ENTREP2: variants seen among roughly 807,000 people sequenced by gnomAD.
The protein encoded by ENTREP2 is endosomal transmembrane epsin interactor 2, also known as protein ENTREP2.
the ENTREP2 span, among the ~76,000 whole-genome samples, chr15:29,411,467 G>A: frequency 1.3e-5 from 2 of 152,166 alleles, no homozygotes; most frequent in Non-Finnish European, 2.9e-5. Context: ...CACGTTTATT[G>A]ACCCTACATA....
the ENTREP2 span, among the ~76,000 whole-genome samples, chr15:29,270,237 C>A: frequency 6.6e-6 from 1 of 152,194 alleles, no homozygotes; most frequent in Admixed American, 6.5e-5. Flanking sequence ...TAGTTTTCGT[C>A]CCTCCACCCA....
the ENTREP2 span, among the ~76,000 whole-genome samples, chr15:29,539,709 T>C: frequency 6.6e-6 from 1 of 151,996 alleles, no homozygotes; most frequent in Non-Finnish European, 1.5e-5. Context: ...AGGTGGAAAA[T>C]GGCATTTACC....
chr15:29,428,556 C>A, the ENTREP2 span, among the ~76,000 whole-genome samples: 1 of 151,536 alleles, frequency 6.6e-6, no homozygotes. Flanking sequence ...CTGTCTTAAG[C>A]TCTTTTCCCA....
chr15:29,639,602 A>G, the ENTREP2 span, among the ~76,000 whole-genome samples: 1 of 152,140 alleles, frequency 6.6e-6, no homozygotes, highest in Non-Finnish European at 1.5e-5. Flanking sequence ...AAAGATCTCA[A>G]ATCAACAACT....
chr15:29,362,189 C>T, the ENTREP2 span, among the ~76,000 whole-genome samples: 5 of 152,020 alleles, frequency 3.3e-5, no homozygotes, highest in Non-Finnish European at 7.4e-5. Flanking sequence ...TAACATTACC[C>T]AGACAGGGCT....
chr15:29,216,819 T>C, the ENTREP2 span, among the ~76,000 whole-genome samples: 5 of 151,990 alleles, frequency 3.3e-5, no homozygotes, highest in African/African-American at 1.2e-4. Context: ...AAATCATCCA[T>C]AATAAAAATG....
the ENTREP2 span, among the ~76,000 whole-genome samples, chr15:29,489,833 G>A: frequency 6.6e-6 from 1 of 152,180 alleles, no homozygotes; most frequent in Non-Finnish European, 1.5e-5. Context: ...GGCCATGACG[G>A]CGCAGTTCTT....
At chr15:29,478,015 A>ATTTTTT in the ENTREP2 span, among the ~76,000 whole-genome samples, 25 of 62,398 alleles carry the variant, frequency 4.0e-4, no homozygotes, top group African/African-American at 1.4e-3. Context: ...ATATATATAT[A>ATTTTTT]TATATTTTTT....
the ENTREP2 span, among the ~76,000 whole-genome samples, chr15:29,314,878 C>T: frequency 1.3e-5 from 2 of 152,084 alleles, no homozygotes; most frequent in South Asian, 2.1e-4. Flanking sequence ...ATGGTGAAAC[C>T]CCGCCTCTAC....
the ENTREP2 span, among the ~76,000 whole-genome samples, chr15:29,630,249 G>A: frequency 6.0e-3 from 915 of 152,254 alleles, 10 homozygotes; most frequent in African/African-American, 0.021. Flanking sequence ...AGGACATAGG[G>A]TTTATAATTC....
At chr15:29,290,911 C>A in the ENTREP2 span, among the ~76,000 whole-genome samples, 1 of 152,230 alleles carries the variant, frequency 6.6e-6, no homozygotes, top group Admixed American at 6.5e-5. Flanking sequence ...AAGGCTCTCA[C>A]TTAATCCCAA....
At chr15:29,229,716 A>G in the ENTREP2 span, among the ~76,000 whole-genome samples, 1 of 151,978 alleles carries the variant, frequency 6.6e-6, no homozygotes, top group Non-Finnish European at 1.5e-5. Context: ...ATACTTCTCT[A>G]TCATTCCTGT....
the ENTREP2 span, among the ~76,000 whole-genome samples, chr15:29,475,439 A>C: frequency 1.3e-5 from 2 of 152,170 alleles, no homozygotes; most frequent in African/African-American, 4.8e-5. Context: ...TCCCAACCTC[A>C]GAGCAGGATC....
the ENTREP2 span, among the ~76,000 whole-genome samples, chr15:29,473,322 T>A: frequency 6.6e-6 from 1 of 151,982 alleles, no homozygotes; most frequent in African/African-American, 2.4e-5. Flanking sequence ...TAGCTGAATG[T>A]TGGTGTCTCT....
At chr15:29,582,690 T>G in the ENTREP2 span, among the ~76,000 whole-genome samples, 22 of 152,134 alleles carry the variant, frequency 1.4e-4, no homozygotes, top group African/African-American at 5.3e-4. Flanking sequence ...CTCACTGTGT[T>G]GCTCAGCCTG....
chr15:29,117,833 C>T, the ENTREP2 span: 1 of 152,190 alleles, frequency 6.6e-6, no homozygotes, highest in South Asian at 2.1e-4. Context: ...CTCCCGTCGT[C>T]TCTTCTGGGC....
At chr15:29,343,503 G>A in the ENTREP2 span, among the ~76,000 whole-genome samples, 1 of 151,972 alleles carries the variant, frequency 6.6e-6, no homozygotes, top group African/African-American at 2.4e-5. Flanking sequence ...CCTCCCTGCT[G>A]CCCTACAGAT....
At chr15:29,651,091 A>G in the ENTREP2 span, among the ~76,000 whole-genome samples, 1 of 152,198 alleles carries the variant, frequency 6.6e-6, no homozygotes, top group African/African-American at 2.4e-5. Context: ...TTTTACCTCT[A>G]GTGGCCATCA....
At chr15:29,153,158 G>A in the ENTREP2 span, among the ~76,000 whole-genome samples, 8 of 121,902 alleles carry the variant, frequency 6.6e-5, 1 homozygote, top group South Asian at 1.9e-3. Context: ...TTTTTTTTTT[G>A]TAGTGTTGAG....
Sources: allele counts gnomAD v4.1 joint callset (sites outside exome capture counted in the v4.1 genomes callset), GRCh38; gene constraint gnomAD v4.1.1; transcripts MANE v1.5; gene names NCBI Gene and HGNC (gene_info 2026-07-23, HGNC 2026-07-21).